Variants in NCAM2 observed in about 807,000 individuals in gnomAD.
NCAM2 encodes the protein N-CAM-2.
Under a neutral mutation model 98.1 loss-of-function variants are expected in NCAM2, and 30 were observed. That is an observed-to-expected ratio of 0.31 (90% CI 0.23 to 0.41). The LOEUF (loss-of-function observed/expected upper bound fraction) is 0.41. Ranked by LOEUF, NCAM2 falls within the 10% of genes least tolerant of loss-of-function variation. The probability of loss-of-function intolerance (pLI) is 1.00; values close to 1 mark genes in which losing one functional copy is unlikely to be tolerated. For missense variants in NCAM2, 867 were observed against 1,005.8 expected, an observed-to-expected ratio of 0.86 and a Z score of 1.87; for synonymous variants, 368 against 342.4, an observed-to-expected ratio of 1.07 and a Z score of -0.83.
intron 1 of NCAM2, among the ~76,000 whole-genome samples, chr21:21,173,790 TTTATC>T (rs1297644457): frequency 6.6e-6 from 1 of 152,206 alleles, no homozygotes; most frequent in Non-Finnish European, 1.5e-5. Flanking sequence ...TATGTCATTT[TTTATC>T]AATGAGACCT....
intron 1 of NCAM2, among the ~76,000 whole-genome samples, chr21:21,214,722 C>CAT (rs1555829682): frequency 0.042 from 3,902 of 92,568 alleles, 256 homozygotes; most frequent in African/African-American, 0.12. Context: ...ATATATATTC[C>CAT]ATATATATAT....
chr21:21,093,782 G>A (rs1333937738), intron 1 of NCAM2, among the ~76,000 whole-genome samples: 1 of 152,004 alleles, frequency 6.6e-6, no homozygotes, highest in Non-Finnish European at 1.5e-5. Context: ...AAACCCAGCA[G>A]CATCTTTCTC....
In NCAM2 at chr21:21,054,378, G is replaced by C. The variant is rs941017784; in HGVS notation, c.55+55760G>C. ...TCAGTTTGTAAATCTTACTGCTAACGTACTCCTGTGGTCTAACAGATCAGC... is the reference window on the plus strand; with the variant it reads ...TCAGTTTGTAAATCTTACTGCTAACCTACTCCTGTGGTCTAACAGATCAGC... On this transcript the variant is annotated intron_variant, in intron 1 of 17. Coordinates refer to ENST00000400546, the MANE Select transcript of NCAM2 (RefSeq NM_004540.5). 1.3e-5 allele frequency among the ~76,000 whole-genome samples: 2 copies of C among 152,038 alleles called. 1 individual carries two copies. Among genetic ancestry groups the C allele is most frequent in the Non-Finnish European group, 2.9e-5 (2 of 67,836 alleles).
intron 11 of NCAM2, among the ~76,000 whole-genome samples, chr21:21,425,100 A>G (rs1227478229): frequency 6.7e-6 from 1 of 150,098 alleles, no homozygotes; most frequent in Non-Finnish European, 1.5e-5. Context: ...CTGGTATACA[A>G]CGAGGGAAAT....
rs969669029 is a variant in NCAM2, at chr21:21,524,923, G to GA, written c.2283-9608dup. Among the ~76,000 whole-genome samples the GA allele has an allele frequency of 4.1e-4, 62 of 151,968 alleles. 1 individual carries two copies. Among genetic ancestry groups the GA allele is most frequent in the Non-Finnish European group, 6.5e-4 (44 of 67,938 alleles). On this transcript the variant is annotated intron_variant, in intron 16 of 17. Transcript: ENST00000400546. Reference sequence around the variant, plus strand: ...ACATTTAAGTAACACATAGGTCCAAGAAAAAATCTCAAAAGAAATTTTTAA... The same window carrying GA: ...ACATTTAAGTAACACATAGGTCCAAGAAAAAAATCTCAAAAGAAATTTTTAA...
intron 8 of NCAM2, among the ~76,000 whole-genome samples, chr21:21,345,883 T>A (rs1377736616): frequency 1.3e-5 from 2 of 151,920 alleles, no homozygotes; most frequent in Non-Finnish European, 2.9e-5. Flanking sequence ...CATTTAATAC[T>A]GAAACTCCCA....
intron 1 of NCAM2, among the ~76,000 whole-genome samples, chr21:21,045,001 T>TATATATAAAA (rs2064980881): frequency 6.6e-6 from 1 of 152,134 alleles, no homozygotes; most frequent in Non-Finnish European, 1.5e-5. Context: ...CATATATATC[T>TATATATAAAA]ATATATAAAA....
chr21:21,305,537 T>C (rs1568912312), intron 5 of NCAM2, among the ~76,000 whole-genome samples: 1 of 151,876 alleles, frequency 6.6e-6, no homozygotes, highest in Non-Finnish European at 1.5e-5. Context: ...TGTTTTTAGA[T>C]ATAGGCTTTT....
chr21:21,175,761 G>C (rs933863831), intron 1 of NCAM2, among the ~76,000 whole-genome samples: 7 of 152,102 alleles, frequency 4.6e-5, no homozygotes, highest in African/African-American at 1.7e-4. Flanking sequence ...GGAGAGAAGA[G>C]ATTTGTGAAG....
At chr21:21,021,835 T>A (rs2064443543) in intron 1 of NCAM2, among the ~76,000 whole-genome samples, 1 of 152,226 alleles carries the variant, frequency 6.6e-6, no homozygotes. Context: ...TAGAGTTTTT[T>A]AATTTTGTTA....
At chr21:21,356,280 C>A (rs1353851398) in intron 8 of NCAM2, among the ~76,000 whole-genome samples, 1 of 151,984 alleles carries the variant, frequency 6.6e-6, no homozygotes, top group Non-Finnish European at 1.5e-5. Flanking sequence ...TTATATTATT[C>A]TTTATTATAT....
intron 1 of NCAM2, among the ~76,000 whole-genome samples, chr21:21,213,863 G>A (rs1398810770): frequency 3.9e-5 from 6 of 152,016 alleles, no homozygotes; most frequent in Admixed American, 3.9e-4. Flanking sequence ...ATAGTATTTA[G>A]GGGTGACAGG....
At chr21:21,014,858 G>T (rs2064276416) in intron 1 of NCAM2, among the ~76,000 whole-genome samples, 1 of 152,106 alleles carries the variant, frequency 6.6e-6, no homozygotes, top group Non-Finnish European at 1.5e-5. Flanking sequence ...GAACATTTGT[G>T]GTTCATGGGA....
chr21:21,246,944 G>A (rs984263607), intron 1 of NCAM2, among the ~76,000 whole-genome samples: 6 of 152,038 alleles, frequency 3.9e-5, no homozygotes, highest in African/African-American at 9.7e-5. Context: ...ACTTTATCTT[G>A]AATAATAGCA....
chr21:21,403,501 C>G (rs2076675287), intron 9 of NCAM2, among the ~76,000 whole-genome samples: 1 of 152,164 alleles, frequency 6.6e-6, no homozygotes, highest in African/African-American at 2.4e-5. Flanking sequence ...TCCACAAACT[C>G]TCAATGTGCC....
At chr21:21,008,858 A>G (rs2146127779) in intron 1 of NCAM2, among the ~76,000 whole-genome samples, 1 of 152,256 alleles carries the variant, frequency 6.6e-6, no homozygotes, top group East Asian at 1.9e-4. Flanking sequence ...CTATTCTCTC[A>G]GCCTCATTGC....
At chr21:21,032,420 T>C (rs2064705217) in intron 1 of NCAM2, among the ~76,000 whole-genome samples, 1 of 152,194 alleles carries the variant, frequency 6.6e-6, no homozygotes, top group African/African-American at 2.4e-5. Context: ...TGATCTTTCT[T>C]CTAGAAACCA....
At chr21:21,064,784 A>G (rs1035759671) in intron 1 of NCAM2, among the ~76,000 whole-genome samples, 21 of 152,218 alleles carry the variant, frequency 1.4e-4, no homozygotes, top group Non-Finnish European at 3.1e-4. Flanking sequence ...TGGGACTGCT[A>G]CTATATTTTT....
At chr21:21,060,772 T>C (rs1275987156) in intron 1 of NCAM2, among the ~76,000 whole-genome samples, 1 of 152,094 alleles carries the variant, frequency 6.6e-6, no homozygotes, top group Non-Finnish European at 1.5e-5. Flanking sequence ...ATTTGTTGGC[T>C]TATTTTAATT....
Sources: gnomAD v4.1 joint callset for allele counts (sites outside exome capture counted in the v4.1 genomes callset) on GRCh38, gnomAD v4.1.1 for gene constraint, MANE v1.5 for transcripts, NCBI Gene and HGNC (gene_info 2026-07-23, HGNC 2026-07-21) for gene names.